Variants in SRRM3 observed in about 807,000 individuals in gnomAD.
The protein encoded by SRRM3 is serine/arginine repetitive matrix 3.
Under a neutral mutation model 66.2 loss-of-function variants are expected in SRRM3, and 27 were observed. The observed-to-expected ratio is 0.41, with a 90% confidence interval of 0.30 to 0.56. The LOEUF (loss-of-function observed/expected upper bound fraction) is 0.56, where lower values mean the gene tolerates loss of function less well. SRRM3 is among the 20% of genes least tolerant of loss of function. The pLI, the probability that SRRM3 is intolerant of heterozygous loss-of-function variation, is 0.32. For missense variants in SRRM3, 918 were observed against 991.9 expected (o/e 0.93, Z 1.00); for synonymous variants, 391 against 414.9 (o/e 0.94, Z 0.70).
At chr7:76,236,234 G>A (rs1801150223) in intron 2 of SRRM3, among the ~76,000 whole-genome samples, 2 of 150,284 alleles carry the variant, frequency 1.3e-5, no homozygotes, top group African/African-American at 2.4e-5. Context: ...CGCTTGAACC[G>A]GGAGGTGGAG....
rs782067233 is a variant in SRRM3, at chr7:76,283,121, G to C, written c.1733+20G>C. ...CACCAGGTATGGAGGGTCTTGGGGG[G>C]GCCGGTGGCGCAGGGCTGGGGCCGC... On this transcript the variant is annotated intron_variant, in intron 14 of 14. Transcript: ENST00000611745. 8.7e-5 allele frequency: 122 copies of C among 1,407,814 alleles called. No individual in the cohort carries two copies. The highest frequency in any genetic ancestry group is 1.1e-4 in the Non-Finnish European group (114 of 1,084,516). The allele number at this position is 1,407,814 out of a possible 1,614,324, so 87.2% of individuals were successfully genotyped here.
chr7:76,260,518 C>T (rs1448792650), intron 5 of SRRM3, among the ~76,000 whole-genome samples: 1 of 147,466 alleles, frequency 6.8e-6, no homozygotes, highest in East Asian at 2.1e-4. Context: ...ACCCGCCCCT[C>T]ATCGAGGTCC....
At position 76,255,148 on chromosome 7, in the gene SRRM3, C is replaced by CTTTTTT. The variant is rs57880700; in HGVS notation, c.336-4744_336-4739dup. Among the ~76,000 whole-genome samples, 96 of 83,150 alleles carry CTTTTTT rather than the reference C, an allele frequency of 1.2e-3. 2 individuals are homozygous for CTTTTTT. Among genetic ancestry groups the CTTTTTT allele is most frequent in the Non-Finnish European group, 1.5e-3 (74 of 50,322 alleles). The allele number at this position is 83,150 out of a possible 152,430, so 54.5% of individuals were successfully genotyped here. A position where few individuals can be genotyped will look rare whatever the true frequency, so the allele number is the denominator to read the frequency against. ...CTTTTCTTTCTTTCTTTCTTTCTTT[C>CTTTTTT]TTTTTTTTTTTTTTTTTTTGAGATG... On this transcript the variant is annotated intron_variant, in intron 3 of 14. Coordinates refer to ENST00000611745, the MANE Select transcript of SRRM3 (RefSeq NM_001110199.3).
chr7:76,276,728 C>G (rs1554611201), intron 11 of SRRM3, among the ~76,000 whole-genome samples: 1 of 152,170 alleles, frequency 6.6e-6, no homozygotes, highest in Non-Finnish European at 1.5e-5. Flanking sequence ...GAGGCTCAGA[C>G]TCTGGCAGGC....
intron 1 of SRRM3, among the ~76,000 whole-genome samples, chr7:76,230,586 C>G (rs948775552): frequency 3.4e-4 from 51 of 151,430 alleles, no homozygotes; most frequent in Non-Finnish European, 1.2e-4. Flanking sequence ...GAGGTCAAGG[C>G]TGCAGTGAGC....
chr7:76,252,436 G>A (rs1250135857), intron 3 of SRRM3, among the ~76,000 whole-genome samples: 2 of 152,016 alleles, frequency 1.3e-5, no homozygotes, highest in Admixed American at 6.6e-5. Context: ...ATTCTCCTGC[G>A]TCAGCCTCCC....
chr7:76,263,245 T>G (rs1801925912), intron 8 of SRRM3, among the ~76,000 whole-genome samples: 1 of 152,198 alleles, frequency 6.6e-6, no homozygotes, highest in Non-Finnish European at 1.5e-5. Flanking sequence ...CAAAGCAGGC[T>G]CCAGCACCCA....
rs145613840 is a variant in SRRM3, at chr7:76,248,718, C to G, written c.335+429C>G. On this transcript the variant is annotated intron_variant, in intron 3 of 14. Coordinates refer to ENST00000611745, the MANE Select transcript of SRRM3 (RefSeq NM_001110199.3). Reference sequence around the variant, plus strand: ...TTTGGGCAGGGTACAGTGGCTCAAGCCTGTAATCCCAGCACTTCGGGAGGC... The same window carrying G: ...TTTGGGCAGGGTACAGTGGCTCAAGGCTGTAATCCCAGCACTTCGGGAGGC... Among the ~76,000 whole-genome samples the G allele has an allele frequency of 1.3e-3, 196 of 152,312 alleles. 9 individuals carry two copies. In the South Asian group the frequency reaches 0.036, roughly 28 times the overall value.
At chr7:76,277,802 G>A (rs1802393535) in intron 11 of SRRM3, among the ~76,000 whole-genome samples, 1 of 151,888 alleles carries the variant, frequency 6.6e-6, no homozygotes, top group Admixed American at 6.6e-5. Flanking sequence ...TCCAGAGTTG[G>A]AGCCAGGGTT....
chr7:76,249,645 G>A (rs1285241264), intron 3 of SRRM3, among the ~76,000 whole-genome samples: 1 of 152,242 alleles, frequency 6.6e-6, no homozygotes, highest in Non-Finnish European at 1.5e-5. Context: ...TCCATGCCTG[G>A]CAGGCACCGT....
intron 3 of SRRM3, among the ~76,000 whole-genome samples, chr7:76,259,233 G>A (rs1429368968): frequency 6.6e-6 from 1 of 151,896 alleles, no homozygotes; most frequent in Non-Finnish European, 1.5e-5. Context: ...ATGGGGCTAG[G>A]ATATGGAGGG....
chr7:76,265,168 A>G (rs1801977060), intron 9 of SRRM3, among the ~76,000 whole-genome samples, 196 bp from the exon 10 acceptor site: 1 of 152,114 alleles, frequency 6.6e-6, no homozygotes, highest in African/African-American at 2.4e-5. Context: ...CAGATGACCC[A>G]TATGGACCAG....
rs115429556 is a variant in SRRM3, at chr7:76,285,425, G to A, written c.1734-190G>A. On this transcript the variant is annotated intron_variant, in intron 14 of 14. Transcript: ENST00000611745. This position sits in a 1 kb window ranked among gnomAD's most constrained non-coding sequence, Gnocchi z 4.1. ...AGAGACATGGTCTCCTTTCCCTGCA[G>A]ATAGGTGAAGAAAAGCAAAATGATC... is the stretch of plus-strand genomic sequence containing the variant. Among the ~76,000 whole-genome samples the A allele has an allele frequency of 4.7e-3, 723 of 152,316 alleles. 4 individuals carry two copies. The highest frequency in any genetic ancestry group is 0.017 in the African/African-American group (701 of 41,572).
At position 76,267,243 on chromosome 7, in the gene SRRM3, G is replaced by A. The variant is rs1802086384; in HGVS notation, c.831-15G>A. 1.3e-6 allele frequency: 2 copies of A among 1,521,248 alleles called. No individual in the cohort carries two copies. The highest frequency in any genetic ancestry group is 1.8e-6 in the Non-Finnish European group (2 of 1,141,716). 94.2% of individuals were successfully genotyped at this position (1,521,248 alleles called of 1,614,324 possible). ...CCACGCCGACTCCCCCATTCTTCCT[G>A]GCGCCTAACCCCAGGCTGAGCCCCA... On this transcript the variant is annotated splice_polypyrimidine_tract_variant and intron_variant, in intron 10 of 14. Transcript: ENST00000611745.
chr7:76,207,130 T>TA (rs35501351), intron 1 of SRRM3, among the ~76,000 whole-genome samples: 4 of 150,918 alleles, frequency 2.7e-5, no homozygotes, highest in Middle Eastern at 3.2e-3. Flanking sequence ...CTCGGCTCAC[T>TA]AAAAAAAAAT....
chr7:76,260,299 C>A, intron 5 of SRRM3, 102 bp downstream of exon 5: 2 of 911,256 alleles, frequency 2.2e-6, no homozygotes, highest in Non-Finnish European at 3.1e-6. Context: ...GTGAGCCCCG[C>A]CCCTCTCTGA....
chr7:76,244,386 A>G (rs1330650317), intron 2 of SRRM3, among the ~76,000 whole-genome samples: 1 of 152,024 alleles, frequency 6.6e-6, no homozygotes, highest in Non-Finnish European at 1.5e-5. Context: ...TTAGCTGGGC[A>G]TGGTGGCGGA....
In SRRM3 at chr7:76,286,588, T is replaced by C. The variant is rs1240338787; in HGVS notation, c.*745T>C. On this transcript the variant is annotated 3_prime_UTR_variant, in exon 15 of 15. Transcript: ENST00000611745. Reference sequence around the variant, plus strand: ...TCCAGGCCAGGCTCTCCTCACCCCATGCCCTGGGCCAAGGTCCTACCAGCC... The same window carrying C: ...TCCAGGCCAGGCTCTCCTCACCCCACGCCCTGGGCCAAGGTCCTACCAGCC... 6.6e-5 allele frequency: 10 copies of C among 152,246 alleles called. No individual in the cohort carries two copies. Among genetic ancestry groups the C allele is most frequent in the African/African-American group, 2.2e-4 (9 of 41,402 alleles). The allele number at this position is 152,246 out of a possible 1,614,324, so 9.4% of individuals were successfully genotyped here. A position where few individuals can be genotyped will look rare whatever the true frequency, so the allele number is the denominator to read the frequency against.
At chr7:76,254,378 G>A (rs1801654437) in intron 3 of SRRM3, among the ~76,000 whole-genome samples, 1 of 152,112 alleles carries the variant, frequency 6.6e-6, no homozygotes, top group African/African-American at 2.4e-5. Context: ...GAGTGCAACG[G>A]CACGATCTTG....
Sources: allele counts gnomAD v4.1 joint callset (sites outside exome capture counted in the v4.1 genomes callset), GRCh38; gene constraint gnomAD v4.1.1; non-coding constraint Gnocchi (gnomAD v3.1); transcripts MANE v1.5; gene names NCBI Gene and HGNC (gene_info 2026-07-23, HGNC 2026-07-21).